Variants in ARHGAP32 observed in about 807,000 individuals in gnomAD.
ARHGAP32 encodes rho GTPase-activating protein 32.
A neutral mutation model predicts 186.5 loss-of-function variants in ARHGAP32; 51 were observed. The ratio of observed to expected loss-of-function variants is 0.27; its 90% confidence interval spans 0.22 to 0.35. ARHGAP32 has a LOEUF of 0.35. Among genes scored for constraint, ARHGAP32 ranks in the 10% least tolerant of loss-of-function variants. The probability of loss-of-function intolerance (pLI) is 1.00; values close to 1 mark genes in which losing one functional copy is unlikely to be tolerated. For missense variants in ARHGAP32, 2,186 were observed against 2,623.5 expected, an observed-to-expected ratio of 0.83 and a Z score of 3.64; for synonymous variants, 950 against 964.3, an observed-to-expected ratio of 0.99 and a Z score of 0.27.
chr11:129,081,028 ATATAT>A (rs1229744539), intron 6 of ARHGAP32, among the ~76,000 whole-genome samples: 1 of 152,020 alleles, frequency 6.6e-6, no homozygotes, highest in Non-Finnish European at 1.5e-5. Flanking sequence ...ATTCCTGGAA[ATATAT>A]TATACAACCC....
chr11:128,974,740 A>C lies in ARHGAP32; in HGVS notation c.2457T>G (p.Pro819=), dbSNP rs756610017. Residue 819 remains proline (P), a synonymous_variant, in exon 21 of 23, where the codon CCT becomes CCG. Coordinates refer to ENST00000682385, the MANE Select transcript of ARHGAP32 (RefSeq NM_001378024.1). ...FDPMSFQCSP[P]KAESECLESG... is the part of the protein sequence containing the mutation. ...TCTCCAGACATTCTGATTCGGCCTT[A>C]GGAGGACTACATTGAAATGACATTG... 6.2e-7 allele frequency: 1 copy of C among 1,614,248 alleles called. No individual in the cohort carries two copies. Among genetic ancestry groups the C allele is most frequent in the Non-Finnish European group, 8.5e-7 (1 of 1,180,042 alleles).
chr11:128,974,436 T>A lies in ARHGAP32; in HGVS notation c.2761A>T (p.Ile921Leu), dbSNP rs144753636. 417 of 1,614,212 alleles carry A rather than the reference T, an allele frequency of 2.6e-4. 1 individual carries two copies. The Middle Eastern group carries it at 2.8e-3, about 11-fold the overall frequency. Residue 921 changes from isoleucine to leucine, a missense_variant, in exon 21 of 23, where the codon ATA becomes TTA. Around this residue, in one of 5 missense-constraint regions of ARHGAP32, gnomAD observed 1,502 missense variants for 1,570.0 expected, o/e 0.96. Coordinates refer to ENST00000682385, the MANE Select transcript of ARHGAP32 (RefSeq NM_001378024.1). Reference protein sequence around the residue: ...RKLSKSPSMSISEPISVTLPP... With the variant: ...RKLSKSPSMSLSEPISVTLPP... ...AGGGTCACTGAAATTGGCTCAGATA[T>A]GCTCATAGAAGGTGATTTGCTTAAT...
At chr11:129,193,631 A>ATGT, upstream of ARHGAP32, among the ~76,000 whole-genome samples, 1 of 82,396 alleles carries the variant, frequency 1.2e-5, no homozygotes, top group African/African-American at 4.8e-5. Flanking sequence ...TATAATATAT[A>ATGT]TAATATATGT....
chr11:129,115,294 T>C (rs746234582), intron 5 of ARHGAP32, among the ~76,000 whole-genome samples: 1 of 152,086 alleles, frequency 6.6e-6, no homozygotes, highest in Non-Finnish European at 1.5e-5. Flanking sequence ...AATTACATCT[T>C]ACATGGTTAA....
chr11:129,023,866 TGTG>T (rs1938710880), intron 11 of ARHGAP32: 1 of 982,358 alleles, frequency 1.0e-6, no homozygotes, highest in Admixed American at 6.1e-5. Flanking sequence ...TACCTCTTGT[TGTG>T]GTACAAGTTT....
At chr11:129,040,630 A>G (rs981142877) in intron 11 of ARHGAP32, among the ~76,000 whole-genome samples, 1 of 152,154 alleles carries the variant, frequency 6.6e-6, no homozygotes, top group Non-Finnish European at 1.5e-5. Flanking sequence ...CTTTAAACCT[A>G]TTTTTTAAAT....
intron 1 of ARHGAP32, among the ~76,000 whole-genome samples, chr11:129,197,904 T>G (rs561092668): frequency 6.6e-6 from 1 of 152,210 alleles, no homozygotes; most frequent in Non-Finnish European, 1.5e-5. Flanking sequence ...ATATATACAT[T>G]GACATTTGGT....
intron 1 of ARHGAP32, among the ~76,000 whole-genome samples, chr11:129,222,158 CT>C (rs537609632): frequency 2.1e-4 from 32 of 152,248 alleles, no homozygotes; most frequent in African/African-American, 7.5e-4. Context: ...GTACTGGTCT[CT>C]TTTGCTACTC....
At chr11:129,248,644 C>A (rs1945137003) in intron 1 of ARHGAP32, among the ~76,000 whole-genome samples, 1 of 152,136 alleles carries the variant, frequency 6.6e-6, no homozygotes, top group Non-Finnish European at 1.5e-5. Flanking sequence ...ATATAAACGT[C>A]ATAACACAGT....
intron 2 of ARHGAP32, among the ~76,000 whole-genome samples, chr11:129,148,759 G>A (rs559517692): frequency 2.0e-5 from 3 of 152,280 alleles, no homozygotes; most frequent in Non-Finnish European, 1.5e-5. Flanking sequence ...TCTGAGTGGG[G>A]CACTGCAGGA....
intron 1 of ARHGAP32, among the ~76,000 whole-genome samples, chr11:129,166,258 A>T (rs918446603): frequency 2.8e-4 from 42 of 151,144 alleles, no homozygotes; most frequent in African/African-American, 8.7e-4. Context: ...GACTTGGTTT[A>T]AAAAAAAAGA....
At chr11:129,062,014 A>C (rs1009825627) in intron 10 of ARHGAP32, among the ~76,000 whole-genome samples, 1 of 152,196 alleles carries the variant, frequency 6.6e-6, no homozygotes, top group African/African-American at 2.4e-5. Context: ...CAGGCCTTGT[A>C]ACCTAAAAGT....
chr11:129,268,664 CAAAAAAAAAAAA>C (rs58858606), intron 1 of ARHGAP32, among the ~76,000 whole-genome samples: 25 of 46,398 alleles, frequency 5.4e-4, no homozygotes, highest in Admixed American at 2.8e-3. Flanking sequence ...GCCTCCTCAC[CAAAAAAAAAAAA>C]AAAAAAAAAA....
intron 1 of ARHGAP32, among the ~76,000 whole-genome samples, chr11:129,252,335 G>A (rs1380218540): frequency 6.6e-6 from 1 of 152,164 alleles, no homozygotes; most frequent in Non-Finnish European, 1.5e-5. Flanking sequence ...TGGTACTTGT[G>A]CTAACTGTAC....
chr11:129,054,199 G>A (rs191539667), intron 10 of ARHGAP32, among the ~76,000 whole-genome samples: 87 of 151,492 alleles, frequency 5.7e-4, no homozygotes, highest in Admixed American at 1.6e-3. Flanking sequence ...AGAGAACATG[G>A]GGTATATAAA....
At chr11:129,013,897 A>G (rs1938209030) in intron 11 of ARHGAP32, among the ~76,000 whole-genome samples, 1 of 152,212 alleles carries the variant, frequency 6.6e-6, no homozygotes. Flanking sequence ...CGAAGGCAGG[A>G]TGTGGGGTTA....
intron 1 of ARHGAP32, among the ~76,000 whole-genome samples, chr11:129,263,079 T>C (rs558997161): frequency 4.6e-5 from 7 of 152,236 alleles, no homozygotes; most frequent in Admixed American, 4.6e-4. Context: ...CCTTATACCA[T>C]ATACAAAAAT....
intron 1 of ARHGAP32, among the ~76,000 whole-genome samples, chr11:129,277,721 T>C (rs1440570826): frequency 2.6e-5 from 4 of 152,156 alleles, no homozygotes; most frequent in Non-Finnish European, 5.9e-5. Context: ...ATATATCCAA[T>C]TCCAAGAATG....
intron 11 of ARHGAP32, among the ~76,000 whole-genome samples, chr11:129,003,325 A>G (rs1458005233): frequency 1.3e-5 from 2 of 152,218 alleles, no homozygotes; most frequent in Non-Finnish European, 2.9e-5. Flanking sequence ...AATATTCATC[A>G]GTGATATTGG....
Sources: allele counts gnomAD v4.1 joint callset (sites outside exome capture counted in the v4.1 genomes callset), GRCh38; gene constraint gnomAD v4.1.1; regional missense constraint gnomAD v4.1.1; transcripts MANE v1.5; gene names NCBI Gene and HGNC (gene_info 2026-07-23, HGNC 2026-07-21).